The following DCC variants were observed in gnomAD, a reference collection of about 807,000 sequenced individuals.
DCC encodes the protein DCC netrin 1 receptor.
DCC carries 58 observed loss-of-function variants against 172.5 expected under a neutral mutation model. The observed-to-expected ratio is 0.34, with a 90% CI of 0.27 to 0.42. The LOEUF is 0.42. DCC is among the 10% of genes least tolerant of loss of function. The pLI is 1.00. For synonymous variants in DCC, 709 were observed against 644.5 expected (o/e 1.10, Z -1.52); for missense variants, 1,740 against 1,791.0 (o/e 0.97, Z 0.51).
chr18:53,429,764 C>A (rs1399004073), intron 21 of DCC, among the ~76,000 whole-genome samples: 5 of 152,000 alleles, frequency 3.3e-5, no homozygotes, highest in African/African-American at 1.2e-4. Context: ...TTGTAGAGCA[C>A]CAGGGCTCAA....
At chr18:52,551,057 T>C (rs527291125) in intron 1 of DCC, among the ~76,000 whole-genome samples, 14 of 151,988 alleles carry the variant, frequency 9.2e-5, no homozygotes, top group Non-Finnish European at 2.1e-4. Context: ...ACTTTTCAAA[T>C]TCAGAAACAA....
chr18:53,387,707 TC>T (rs1294253646), intron 16 of DCC, among the ~76,000 whole-genome samples: 3 of 152,210 alleles, frequency 2.0e-5, no homozygotes, highest in Non-Finnish European at 4.4e-5. Context: ...CACCATTGTG[TC>T]TCATAATTTT....
chr18:52,952,019 G>T (rs191736024), intron 5 of DCC, among the ~76,000 whole-genome samples: 176 of 152,252 alleles, frequency 1.2e-3, no homozygotes, highest in African/African-American at 4.0e-3. Flanking sequence ...TAAAATTATT[G>T]TGAGGAAGTT....
intron 1 of DCC, among the ~76,000 whole-genome samples, chr18:52,703,952 A>G (rs1401273517): frequency 6.6e-6 from 1 of 152,116 alleles, no homozygotes; most frequent in East Asian, 1.9e-4. Flanking sequence ...CCCACTTCCT[A>G]ATGCAAACTT....
intron 12 of DCC, among the ~76,000 whole-genome samples, chr18:53,277,685 T>A (rs1443667783): frequency 3.3e-5 from 5 of 152,106 alleles, no homozygotes; most frequent in Non-Finnish European, 7.4e-5. Context: ...AAGTGATCCT[T>A]TGATCATTTG....
At chr18:52,517,133 C>T (rs1268233198) in intron 1 of DCC, among the ~76,000 whole-genome samples, 1 of 152,188 alleles carries the variant, frequency 6.6e-6, no homozygotes, top group East Asian at 1.9e-4. Context: ...GACACCCAAC[C>T]TCCGACTTTC....
At chr18:53,003,695 G>C in intron 5 of DCC, among the ~76,000 whole-genome samples, 1 of 151,654 alleles carries the variant, frequency 6.6e-6, no homozygotes, top group Admixed American at 6.6e-5. Flanking sequence ...GGAGGAAAAG[G>C]AGACTTTTCC....
intron 15 of DCC, among the ~76,000 whole-genome samples, chr18:53,379,389 T>A (rs1374585474): frequency 6.6e-6 from 1 of 152,274 alleles, no homozygotes; most frequent in South Asian, 2.1e-4. Flanking sequence ...CACTGGCATT[T>A]AATTCACACA....
chr18:52,424,126 T>C (rs1212119590), intron 1 of DCC, among the ~76,000 whole-genome samples: 1 of 152,180 alleles, frequency 6.6e-6, no homozygotes, highest in African/African-American at 2.4e-5. Context: ...AGTCTTCTAA[T>C]TGGATTTGCA....
intron 1 of DCC, among the ~76,000 whole-genome samples, chr18:52,509,602 A>G (rs1159981417): frequency 6.6e-6 from 1 of 152,230 alleles, no homozygotes; most frequent in South Asian, 2.1e-4. Context: ...TCATGGCTAC[A>G]TAAACAAATG....
intron 1 of DCC, among the ~76,000 whole-genome samples, chr18:52,361,113 C>T (rs17816293): frequency 0.18 from 27,340 of 152,130 alleles, 2,538 homozygotes; most frequent in South Asian, 0.25. Flanking sequence ...AAAACCTGGC[C>T]TTCTCAAACT....
intron 6 of DCC, chr18:53,063,690 TACAA>T (rs2042528348): frequency 2.1e-6 from 1 of 474,856 alleles, no homozygotes; most frequent in Non-Finnish European, 3.8e-6. Context: ...CTTTAAAACA[TACAA>T]ACAAACAAAA....
At chr18:52,748,689 G>T (rs2036947384) in intron 1 of DCC, among the ~76,000 whole-genome samples, 1 of 152,170 alleles carries the variant, frequency 6.6e-6, no homozygotes, top group African/African-American at 2.4e-5. Context: ...CCAGGTTCTT[G>T]TCCTGCATCC....
At chr18:52,641,698 C>CA (rs1377266908) in intron 1 of DCC, among the ~76,000 whole-genome samples, 13 of 151,608 alleles carry the variant, frequency 8.6e-5, no homozygotes, top group South Asian at 2.1e-4. Context: ...TGGCCATAAT[C>CA]AAAAAATAAA....
At chr18:52,774,995 G>T (rs1173574348) in intron 2 of DCC, among the ~76,000 whole-genome samples, 1 of 152,166 alleles carries the variant, frequency 6.6e-6, no homozygotes, top group Non-Finnish European at 1.5e-5. Context: ...CTTTTGACCA[G>T]CCCAGTTAGA....
At chr18:52,817,801 A>ATG (rs539209276) in intron 2 of DCC, among the ~76,000 whole-genome samples, 38 of 145,574 alleles carry the variant, frequency 2.6e-4, no homozygotes, top group African/African-American at 9.5e-4. Flanking sequence ...TTATATATAT[A>ATG]TATGTGTGTG....
intron 26 of DCC, among the ~76,000 whole-genome samples, chr18:53,488,008 T>C (rs751521360): frequency 7.2e-4 from 110 of 152,300 alleles, no homozygotes; most frequent in Admixed American, 9.1e-4. Flanking sequence ...AATGAAGCTC[T>C]CTGCAACAAA....
intron 2 of DCC, among the ~76,000 whole-genome samples, chr18:52,795,259 C>A (rs2037851084): frequency 6.6e-6 from 1 of 152,016 alleles, no homozygotes; most frequent in African/African-American, 2.4e-5. Flanking sequence ...CAGTCCTGAA[C>A]TTTTCTTTAT....
chr18:53,392,419 C>A (rs1465814564), intron 17 of DCC, among the ~76,000 whole-genome samples: 3 of 152,238 alleles, frequency 2.0e-5, no homozygotes, highest in East Asian at 1.9e-4. Context: ...AGAAAACTCA[C>A]AATCCACACT....
Sources: gnomAD v4.1 joint callset for allele counts (sites outside exome capture counted in the v4.1 genomes callset) on GRCh38, gnomAD v4.1.1 for gene constraint, MANE v1.5 for transcripts, NCBI Gene and HGNC (gene_info 2026-07-23, HGNC 2026-07-21) for gene names.